Variants in PEG3 observed in about 807,000 individuals in gnomAD.
The protein encoded by PEG3 is paternally-expressed gene 3 protein.
A neutral mutation model predicts 35.5 loss-of-function variants in PEG3; 23 were observed. The ratio of observed to expected loss-of-function variants is 0.65; its 90% CI spans 0.47 to 0.92. PEG3 has a LOEUF of 0.92. Among genes scored for constraint, PEG3 ranks in the 40% least tolerant of loss-of-function variants. PEG3 has a pLI of 0.00. For synonymous variants in PEG3, 707 were observed against 697.0 expected, an observed-to-expected ratio of 1.01 and a Z score of -0.23; for missense variants, 1,960 against 1,985.3, an observed-to-expected ratio of 0.99 and a Z score of 0.24.
In PEG3 at chr19:56,815,156, C is replaced by G; in HGVS notation, c.3286G>C (p.Asp1096His). The change falls in exon 10 of 10, where the codon GAC (aspartate) becomes CAC (histidine). Residue 1096 changes from aspartate (D) to histidine (H), a missense_variant. Transcript: ENST00000326441. ...DPVIQGSDMEDPQKDDPDDKI... is the reference protein window; with the variant it reads ...DPVIQGSDMEHPQKDDPDDKI... ...TCATCAGGGTCATCCTTCTGAGGGT[C>G]TTCCATGTCTGAGCCTTGAATGACA... 1 of 1,614,000 alleles carries G rather than the reference C, an allele frequency of 6.2e-7. No individual in the cohort carries two copies. Among genetic ancestry groups the G allele is most frequent in the South Asian group, 1.1e-5 (1 of 91,078 alleles).
intron 2 of PEG3, among the ~76,000 whole-genome samples, chr19:56,829,796 G>C (rs1002808837): frequency 1.3e-5 from 2 of 152,196 alleles, no homozygotes; most frequent in Non-Finnish European, 2.9e-5. Context: ...ACCCTGACTG[G>C]GGAAGACCAG....
chr19:56,836,027 G>A lies in PEG3; in HGVS notation c.-172C>T. 3.9e-6 allele frequency: 2 copies of A among 511,894 alleles called. No homozygotes were observed. The highest frequency in any genetic ancestry group is 2.9e-5 in the South Asian group (2 of 69,514). The allele number at this position is 511,894 out of a possible 1,614,324, so 31.7% of individuals were successfully genotyped here. A position where few individuals can be genotyped will look rare whatever the true frequency, so the allele number is the denominator to read the frequency against. Reference sequence around the variant, plus strand: ...AGGAAATTCAACTCACCTGGACCCAGCCACCTAGCGTTTGGACCTAGTCCC... The same window carrying A: ...AGGAAATTCAACTCACCTGGACCCAACCACCTAGCGTTTGGACCTAGTCCC... On this transcript the variant is annotated 5_prime_UTR_variant, in exon 2 of 10. Coordinates refer to ENST00000326441, the MANE Select transcript of PEG3 (RefSeq NM_006210.3).
intron 6 of PEG3, 191 bp downstream of exon 6, chr19:56,822,562 T>C (rs775167801): frequency 9.3e-6 from 6 of 643,138 alleles, no homozygotes; most frequent in Non-Finnish European, 1.6e-5. Flanking sequence ...AACAGGTCTA[T>C]GTGGTGAAAC....
chr19:56,816,004 A>G lies in PEG3; in HGVS notation c.2438T>C (p.Ile813Thr). 1 of 1,588,084 alleles carries G rather than the reference A, an allele frequency of 6.3e-7. No individual in the cohort carries two copies. ...AESTIQSFDA[I>T]NHQRVRAGGN... ...TCCAGCACGAACTCTCTGATGGTTGATAGCATCGAAGCTCTGAATGGTAGA... is the reference window on the plus strand; with the variant it reads ...TCCAGCACGAACTCTCTGATGGTTGGTAGCATCGAAGCTCTGAATGGTAGA... The change falls in exon 10 of 10, where the codon ATC becomes ACC. Residue 813 changes from isoleucine (I) to threonine (T), a missense_variant. Physicochemically the swap from Ile to Thr is moderately conservative, Grantham distance 89. Transcript: ENST00000326441.
chr19:56,835,883 G>A, intron 2 of PEG3, 135 bp downstream of exon 2: 1 of 375,522 alleles, frequency 2.7e-6, no homozygotes, highest in Non-Finnish European at 5.5e-6. Context: ...GAAGAGTCTG[G>A]GTGTTCTCAG....
At chr19:56,838,114 T>C (rs1018065885) in intron 1 of PEG3, among the ~76,000 whole-genome samples, 2 of 152,006 alleles carry the variant, frequency 1.3e-5, no homozygotes, top group Admixed American at 1.3e-4. Context: ...TGCCACAGAG[T>C]GGGCGGGGCC....
Position 56,814,232 on chromosome 19 carries a change from G to A in PEG3, c.4210C>T (p.Pro1404Ser), listed in dbSNP as rs759017080. 4 of 1,612,840 alleles carry A rather than the reference G, an allele frequency of 2.5e-6. No homozygotes were observed. The highest frequency in any genetic ancestry group is 2.5e-6 in the Non-Finnish European group (3 of 1,179,492). Reference sequence around the variant, plus strand: ...TCTGGCTCAGCAGCCTCCACTTCTGGCTCGGCAGCCTCCACTTCTGGCTCA... The same window carrying A: ...TCTGGCTCAGCAGCCTCCACTTCTGACTCGGCAGCCTCCACTTCTGGCTCA... ...AAEPEVEAAE[P>S]EVEAAEPEVE... Residue 1404 changes from proline (P) to serine (S), a missense_variant, in exon 10 of 10, where the codon CCA (proline) becomes TCA (serine). By Grantham distance (74) the Pro-to-Ser change is moderately conservative. Around this residue, in one of 5 missense-constraint regions of PEG3, gnomAD observed 416 missense variants for 416.7 expected, o/e 1.00. Transcript: ENST00000326441. The surrounding 1 kb of genome is among the most constrained non-coding windows in gnomAD (Gnocchi z 5.8).
intron 3 of PEG3, among the ~76,000 whole-genome samples, 165 bp downstream of exon 3, chr19:56,826,223 C>T (rs1251618152): frequency 6.6e-6 from 1 of 152,196 alleles, no homozygotes; most frequent in Non-Finnish European, 1.5e-5. Context: ...GTCACTCTAA[C>T]CCAGGACAGG....
intron 7 of PEG3, 140 bp from the exon 8 acceptor site, chr19:56,818,842 G>A: frequency 1.0e-6 from 1 of 967,168 alleles, no homozygotes; most frequent in Non-Finnish European, 1.6e-6. Context: ...AGTGATCCAA[G>A]TCAAGTGTTA....
intron 1 of PEG3, among the ~76,000 whole-genome samples, chr19:56,837,349 G>A (rs1031789116): frequency 1.3e-5 from 2 of 152,162 alleles, no homozygotes; most frequent in South Asian, 2.1e-4. Context: ...ACCTCCAGCT[G>A]TACGATTTTG....
intron 2 of PEG3, among the ~76,000 whole-genome samples, chr19:56,826,927 T>C (rs990629740): frequency 6.6e-6 from 1 of 152,172 alleles, no homozygotes; most frequent in African/African-American, 2.4e-5. Context: ...AATTGAAGCA[T>C]AAAGTACCCT....
At chr19:56,832,554 T>G (rs1051126423) in intron 2 of PEG3, among the ~76,000 whole-genome samples, 2 of 152,238 alleles carry the variant, frequency 1.3e-5, no homozygotes, top group Non-Finnish European at 2.9e-5. Flanking sequence ...TATCTCCCTC[T>G]GCTCTCTCTT....
At chr19:56,828,210 CAT>C (rs1297246932) in intron 2 of PEG3, among the ~76,000 whole-genome samples, 1 of 152,152 alleles carries the variant, frequency 6.6e-6, no homozygotes, top group Admixed American at 6.6e-5. Flanking sequence ...AGCTTGAATC[CAT>C]AGTCATACCC....
At chr19:56,824,946 C>A in intron 3 of PEG3, 1 of 322,522 alleles carries the variant, frequency 3.1e-6, no homozygotes, top group East Asian at 5.0e-5. Context: ...GGAGTTAGCT[C>A]GGCTACTAAC....
At chr19:56,822,933 CTCT>C in intron 5 of PEG3, 97 bp from the exon 6 acceptor site, 2 of 1,490,598 alleles carry the variant, frequency 1.3e-6, no homozygotes, top group Non-Finnish European at 9.1e-7. Flanking sequence ...AGATGCTACC[CTCT>C]TCCCACAAGG....
At chr19:56,822,942 C>T in intron 5 of PEG3, 106 bp from the exon 6 acceptor site, 5 of 1,436,582 alleles carry the variant, frequency 3.5e-6, no homozygotes, top group Non-Finnish European at 4.7e-6. Context: ...CCTCTTCCCA[C>T]AAGGAGATGG....
At position 56,812,178 on chromosome 19, in the gene PEG3, C is replaced by A. The variant is rs1312644243; in HGVS notation, c.*1497G>T. On this transcript the variant is annotated 3_prime_UTR_variant, in exon 10 of 10. Transcript: ENST00000326441. ...GCCAACTCAAGGCCAAAAAAAATTT[C>A]TTAATATAGTTATTATGCGAGGGGA... 14 of 979,334 alleles carry A rather than the reference C, an allele frequency of 1.4e-5. No individual in the cohort carries two copies. The highest frequency in any genetic ancestry group is 1.7e-5 in the Non-Finnish European group (14 of 824,858). The allele number at this position is 979,334 out of a possible 1,614,324, so 60.7% of individuals were successfully genotyped here.
intron 1 of PEG3, among the ~76,000 whole-genome samples, chr19:56,837,082 T>A (rs909658663): frequency 2.0e-5 from 3 of 151,300 alleles, no homozygotes; most frequent in African/African-American, 7.3e-5. Flanking sequence ...ACTTAAGATC[T>A]CCTTGGGTGG....
chr19:56,827,608 T>C (rs930176683), intron 2 of PEG3, among the ~76,000 whole-genome samples: 2 of 152,236 alleles, frequency 1.3e-5, no homozygotes, highest in African/African-American at 2.4e-5. Flanking sequence ...AAAGTGCACA[T>C]ATCCTCCTCT....
Sources: allele counts gnomAD v4.1 joint callset (sites outside exome capture counted in the v4.1 genomes callset), GRCh38; gene constraint gnomAD v4.1.1; regional missense constraint gnomAD v4.1.1; non-coding constraint Gnocchi (gnomAD v3.1); transcripts MANE v1.5; gene names NCBI Gene and HGNC (gene_info 2026-07-23, HGNC 2026-07-21).